Variants in ZNF718 observed in about 807,000 individuals in gnomAD.
ZNF718 encodes zinc finger protein 718.
Under a neutral mutation model 2.6 loss-of-function variants are expected in ZNF718, and 3 were observed. The ratio of observed to expected loss-of-function variants is 1.16; its 90% CI spans 0.53 to 3.01. The LOEUF is 3.01. Among genes scored for constraint, ZNF718 ranks in the 30% most tolerant of loss-of-function variants. ZNF718 has a pLI of 0.03. For missense variants in ZNF718, 468 were observed against 230.0 expected, an observed-to-expected ratio of 2.03 and a Z score of -6.69; for synonymous variants, 135 against 77.9, an observed-to-expected ratio of 1.73 and a Z score of -3.86.
rs542748688 is a variant in ZNF718 at position 135,640 on chromosome 4, A to G, written c.226+4135A>G. Among the ~76,000 whole-genome samples the G allele has an allele frequency of 2.8e-4, 42 of 147,484 alleles. 1 individual carries two copies. In the South Asian group the frequency reaches 8.7e-3, roughly 31 times the overall value. On this transcript the variant is annotated intron_variant, in intron 3 of 3. Coordinates refer to ENST00000510175, the MANE Select transcript of ZNF718 (RefSeq NM_001039127.6). The stretch of plus-strand genomic sequence containing the variant: ...TAGCTTAGTGATTTTGGGGGCCCCA[A>G]GAGTTCCAAGATTTATTTTCCTTTC...
At chr4:133,762 T>A (rs1356385719) in intron 3 of ZNF718, among the ~76,000 whole-genome samples, 1 of 152,226 alleles carries the variant, frequency 6.6e-6, no homozygotes, top group Non-Finnish European at 1.5e-5. Flanking sequence ...AAGTGAGGAC[T>A]TACTGTACAT....
chr4:138,012 G>T (rs797025266), intron 3 of ZNF718, among the ~76,000 whole-genome samples: 1 of 152,204 alleles, frequency 6.6e-6, no homozygotes, highest in South Asian at 2.1e-4. Context: ...AAATTTTTAT[G>T]AGTACACAGT....
intron 3 of ZNF718, among the ~76,000 whole-genome samples, chr4:137,767 C>G (rs10004179): frequency 0.24 from 36,719 of 150,952 alleles, 4,843 homozygotes; most frequent in African/African-American, 0.33. Flanking sequence ...TTTTTTCTTA[C>G]TCGGGACTGA....
chr4:172,788 ACT>A (rs142951950), intron 3 of ZNF718, among the ~76,000 whole-genome samples: 4,373 of 152,150 alleles, frequency 0.029, 234 homozygotes, highest in Admixed American at 0.13. Context: ...AGGTGTGGTG[ACT>A]CTCACCTGTA....
intron 3 of ZNF718, among the ~76,000 whole-genome samples, chr4:180,246 A>G (rs1388195898): frequency 1.3e-5 from 2 of 152,194 alleles, no homozygotes; most frequent in Non-Finnish European, 2.9e-5. Context: ...TGTCAGCTGA[A>G]ACTAATTCCA....
intron 3 of ZNF718, among the ~76,000 whole-genome samples, chr4:147,449 T>G (rs137857825): frequency 1.7e-3 from 254 of 152,314 alleles, no homozygotes; most frequent in African/African-American, 5.7e-3. Flanking sequence ...GTTAAGTGCA[T>G]TGGAGCCAGG....
chr4:170,833 T>G (rs567884218), intron 3 of ZNF718, among the ~76,000 whole-genome samples: 1 of 152,328 alleles, frequency 6.6e-6, no homozygotes, highest in East Asian at 1.9e-4. Context: ...ATCTGAAGCC[T>G]TCTTGTCTCA....
chr4:135,914 C>G (rs1715551671), intron 3 of ZNF718, among the ~76,000 whole-genome samples: 1 of 151,840 alleles, frequency 6.6e-6, no homozygotes, highest in African/African-American at 2.4e-5. Context: ...CAGCTGTGGT[C>G]TCTGAAGCAG....
chr4:138,061 G>A (rs1164248498), intron 3 of ZNF718, among the ~76,000 whole-genome samples: 10 of 152,154 alleles, frequency 6.6e-5, no homozygotes, highest in African/African-American at 2.4e-4. Flanking sequence ...ATATTTTGAT[G>A]TAGGCATGAA....
At chr4:143,980 T>C (rs1418667351) in intron 3 of ZNF718, among the ~76,000 whole-genome samples, 1 of 152,090 alleles carries the variant, frequency 6.6e-6, no homozygotes, top group African/African-American at 2.4e-5. Context: ...AGGAAAACGG[T>C]CTGGAGGCAG....
intron 3 of ZNF718, among the ~76,000 whole-genome samples, chr4:198,842 A>C (rs1370054825): frequency 6.6e-6 from 1 of 152,210 alleles, no homozygotes; most frequent in Non-Finnish European, 1.5e-5. Flanking sequence ...ATAATAGTCT[A>C]TATTAACTGA....
At chr4:156,119 C>T (rs1716557846) in intron 3 of ZNF718, among the ~76,000 whole-genome samples, 1 of 152,152 alleles carries the variant, frequency 6.6e-6, no homozygotes, top group African/African-American at 2.4e-5. Flanking sequence ...GTCCATTAAA[C>T]CTTTTTTTCT....
At chr4:192,770 G>C (rs1717718451) in intron 3 of ZNF718, among the ~76,000 whole-genome samples, 1 of 152,178 alleles carries the variant, frequency 6.6e-6, no homozygotes, top group South Asian at 2.1e-4. Context: ...TTTGAAGAAT[G>C]ATTTGTAGTT....
intron 3 of ZNF718, chr4:141,962 T>G (rs551990454): frequency 1.6e-5 from 8 of 512,730 alleles, no homozygotes; most frequent in African/African-American, 9.6e-5. Context: ...AGGCTGAGAT[T>G]ATTATGCTAC....
At chr4:147,389 ATCT>A (rs1553811593) in intron 3 of ZNF718, among the ~76,000 whole-genome samples, 1 of 152,136 alleles carries the variant, frequency 6.6e-6, no homozygotes, top group African/African-American at 2.4e-5. Flanking sequence ...GGAGGTAAAT[ATCT>A]TCTTCTGTTG....
chr4:184,718 A>G (rs577197894), intron 3 of ZNF718, among the ~76,000 whole-genome samples: 4 of 152,084 alleles, frequency 2.6e-5, no homozygotes, highest in South Asian at 2.1e-4. Flanking sequence ...TAGGGGTTCA[A>G]TTTCTTCCTA....
intron 3 of ZNF718, among the ~76,000 whole-genome samples, chr4:181,470 T>G (rs1553819806): frequency 6.6e-6 from 1 of 152,110 alleles, no homozygotes; most frequent in African/African-American, 2.4e-5. Flanking sequence ...TTTGTGTGGT[T>G]TGAGTTAGGT....
chr4:157,573 C>T (rs1252263066), intron 3 of ZNF718, among the ~76,000 whole-genome samples: 1 of 152,084 alleles, frequency 6.6e-6, no homozygotes, highest in Non-Finnish European at 1.5e-5. Context: ...CAGATGGCTT[C>T]ATAATATTAA....
chr4:158,022 C>A (rs1716656213), intron 3 of ZNF718, among the ~76,000 whole-genome samples: 2 of 151,882 alleles, frequency 1.3e-5, no homozygotes, highest in Admixed American at 1.3e-4. Flanking sequence ...ATGTGAGATA[C>A]ACACACACAC....
Sources: allele counts gnomAD v4.1 joint callset (sites outside exome capture counted in the v4.1 genomes callset), GRCh38; gene constraint gnomAD v4.1.1; transcripts MANE v1.5; gene names NCBI Gene and HGNC (gene_info 2026-07-23, HGNC 2026-07-21).